Variants in AXIN1 observed in about 807,000 individuals in gnomAD.
AXIN1 encodes the protein axin-1.
AXIN1 carries 30 observed loss-of-function variants against 76.4 expected under a neutral mutation model. That is an observed-to-expected ratio of 0.39 (90% confidence interval 0.29 to 0.53). The LOEUF is 0.53. Among genes scored for constraint, AXIN1 ranks in the 20% least tolerant of loss-of-function variants. The pLI, the probability that AXIN1 is intolerant of heterozygous loss-of-function variation, is 0.66. For synonymous variants in AXIN1, 545 were observed against 501.4 expected (o/e 1.09, Z -1.16); for missense variants, 1,140 against 1,198.8 (o/e 0.95, Z 0.72).
At chr16:319,294 T>A (rs894073968) in intron 2 of AXIN1, among the ~76,000 whole-genome samples, 1 of 152,070 alleles carries the variant, frequency 6.6e-6, no homozygotes, top group Non-Finnish European at 1.5e-5. Flanking sequence ...ATCACGCCAC[T>A]GTGTTCCAGC....
chr16:299,656 A>G (rs1425919329), intron 5 of AXIN1, among the ~76,000 whole-genome samples: 1 of 139,152 alleles, frequency 7.2e-6, no homozygotes, highest in Non-Finnish European at 1.5e-5. Flanking sequence ...CAACCGGCCT[A>G]TTTATTTTCA....
intron 2 of AXIN1, among the ~76,000 whole-genome samples, chr16:332,555 G>GA (rs2053715281): frequency 7.0e-6 from 1 of 143,160 alleles, no homozygotes; most frequent in Non-Finnish European, 1.5e-5. Flanking sequence ...CAGGCTGGGC[G>GA]AAAGAGCGAG....
chr16:339,331 G>A (rs1391138033), intron 2 of AXIN1, among the ~76,000 whole-genome samples: 8 of 148,124 alleles, frequency 5.4e-5, no homozygotes, highest in Admixed American at 2.0e-4. Context: ...GTGAAACCCC[G>A]TCTCTACTAA....
chr16:288,091 C>A lies in AXIN1; in HGVS notation c.*31G>T, dbSNP rs368933170. 17 of 1,612,714 alleles carry A rather than the reference C, an allele frequency of 1.1e-5. No individual in the cohort carries two copies. Among genetic ancestry groups the A allele is most frequent in the African/African-American group, 1.3e-5 (1 of 74,936 alleles). On this transcript the variant is annotated 3_prime_UTR_variant, in exon 11 of 11. Transcript: ENST00000262320. ...TGACACCCGTGCCCGCCAAGGGCCTCGCCTGGCACAGCGGCCAGCCCACCA... is the reference window on the plus strand; with the variant it reads ...TGACACCCGTGCCCGCCAAGGGCCTAGCCTGGCACAGCGGCCAGCCCACCA...
Position 288,188 on chromosome 16 carries a change from T to C in AXIN1, c.2523A>G (p.Arg841=), listed in dbSNP as rs2141459637. 6.2e-7 allele frequency: 1 copy of C among 1,613,724 alleles called. No individual in the cohort carries two copies. Among genetic ancestry groups the C allele is most frequent in the Non-Finnish European group, 8.5e-7 (1 of 1,180,004 alleles). The part of the protein sequence containing the change: ...FDCGVVFEEV[R]EDEAVLPVFE... ...AGACGGGCAGGACGGCCTCGTCCTC[T>C]CGAACCTCCTCAAACACCACCCCAC... Residue 841 remains arginine, a synonymous_variant, in exon 11 of 11, where the codon CGA becomes CGG. Coordinates refer to ENST00000262320, the MANE Select transcript of AXIN1 (RefSeq NM_003502.4).
At chr16:332,582 A>G (rs1328384179) in intron 2 of AXIN1, among the ~76,000 whole-genome samples, 2 of 151,892 alleles carry the variant, frequency 1.3e-5, no homozygotes, top group Non-Finnish European at 2.9e-5. Flanking sequence ...TCTCAAAAAA[A>G]AAAAGAAAAC....
intron 2 of AXIN1, among the ~76,000 whole-genome samples, chr16:335,973 G>A (rs894533803): frequency 1.3e-5 from 2 of 152,196 alleles, no homozygotes; most frequent in African/African-American, 4.8e-5. Flanking sequence ...GGTGGCTCAC[G>A]CCTATAATCC....
Position 346,542 on chromosome 16 carries a change from G to T in AXIN1, c.484C>A (p.Pro162Thr), listed in dbSNP as rs1567308033. 2.5e-6 allele frequency: 4 copies of T among 1,614,024 alleles called. No individual in the cohort carries two copies. The highest frequency in any genetic ancestry group is 2.2e-5 in the East Asian group (1 of 44,890). ...NNGIVSRQTKPATKSFIKGCI... is the reference protein window; with the variant it reads ...NNGIVSRQTKTATKSFIKGCI... ...CCCTTTATGAAGCTCTTGGTGGCTGGCTTGGTCTGCCGGGACACGATGCCA... is the reference window on the plus strand; with the variant it reads ...CCCTTTATGAAGCTCTTGGTGGCTGTCTTGGTCTGCCGGGACACGATGCCA... The change falls in exon 2 of 11, where the codon CCA (proline) becomes ACA (threonine). Residue 162 changes from proline (P) to threonine (T), a missense_variant. Pro to Thr is a conservative substitution (Grantham distance 38). Around this residue, in one of 3 missense-constraint regions of AXIN1, gnomAD observed 708 missense variants for 776.9 expected, o/e 0.91. Coordinates refer to ENST00000262320, the MANE Select transcript of AXIN1 (RefSeq NM_003502.4).
At position 287,451 on chromosome 16, in the gene AXIN1, AAC is replaced by A. The variant is rs1300196798; in HGVS notation, c.*669_*670del. 9.1e-6 allele frequency: 4 copies of A among 440,704 alleles called. No homozygotes were observed. Among genetic ancestry groups the A allele is most frequent in the African/African-American group, 4.0e-5 (2 of 50,376 alleles). 27.3% of individuals were successfully genotyped at this position (440,704 alleles called of 1,614,324 possible). ...ACACCACAGCCAGGGCAGGTTCAAAAACAGTTTTATTTCATTATTATCCAAGT... is the reference window on the plus strand; with the variant it reads ...ACACCACAGCCAGGGCAGGTTCAAAAAGTTTTATTTCATTATTATCCAAGT... On this transcript the variant is annotated 3_prime_UTR_variant, in exon 11 of 11. Coordinates refer to ENST00000262320, the MANE Select transcript of AXIN1 (RefSeq NM_003502.4).
At position 298,117 on chromosome 16, in the gene AXIN1, G is replaced by C. The variant is rs1217389555; in HGVS notation, c.1389C>G (p.His463Gln). The C allele has an allele frequency of 1.9e-6, 3 of 1,546,408 alleles. No individual in the cohort carries two copies. Among genetic ancestry groups the C allele is most frequent in the East Asian group, 4.9e-5 (2 of 41,184 alleles). ...DMGCAGLRDAHEENPESILDE... is the reference protein window; with the variant it reads ...DMGCAGLRDAQEENPESILDE... ...CCAGGATGCTCTCAGGGTTCTCCTCGTGTGCATCCCGGAGCCCGGCACAGC... is the reference window on the plus strand; with the variant it reads ...CCAGGATGCTCTCAGGGTTCTCCTCCTGTGCATCCCGGAGCCCGGCACAGC... The change falls in exon 6 of 11, where the codon CAC becomes CAG. Residue 463 changes from histidine to glutamine, a missense_variant. Coordinates refer to ENST00000262320, the MANE Select transcript of AXIN1 (RefSeq NM_003502.4).
At chr16:289,903 G>A (rs569494804) in intron 9 of AXIN1, 6 of 528,108 alleles carry the variant, frequency 1.1e-5, no homozygotes, top group South Asian at 2.0e-5. Flanking sequence ...CCACCTCTAG[G>A]ATGGCAGGGC....
chr16:305,170 TTTTTAA>T (rs1429553069), intron 4 of AXIN1, among the ~76,000 whole-genome samples: 2 of 152,236 alleles, frequency 1.3e-5, no homozygotes, highest in African/African-American at 4.8e-5. Context: ...CAGGCTTTCC[TTTTTAA>T]AAGAATCTAA....
At chr16:351,000 G>A (rs528908656) in intron 1 of AXIN1, among the ~76,000 whole-genome samples, 4 of 152,226 alleles carry the variant, frequency 2.6e-5, no homozygotes, top group Non-Finnish European at 5.9e-5. Flanking sequence ...GCTTGGTGGC[G>A]CATGCCTATA....
intron 2 of AXIN1, among the ~76,000 whole-genome samples, chr16:340,635 T>G (rs1209050776): frequency 1.3e-5 from 2 of 152,206 alleles, no homozygotes; most frequent in Non-Finnish European, 2.9e-5. Context: ...ACCAGCCAGC[T>G]CTGTTCAAAG....
Position 293,761 on chromosome 16 carries a change from T to A in AXIN1, c.1956-43A>T. The stretch of plus-strand genomic sequence containing the variant: ...CAAGTTGTGACTGTGGCCGACACCC[T>A]GGCCAGGTGGCCTGGTGGGGCTACA... On this transcript the variant is annotated intron_variant, in intron 7 of 10. Transcript: ENST00000262320. The surrounding 1 kb of genome is among the most constrained non-coding windows in gnomAD (Gnocchi z 4.6). 6.4e-7 allele frequency: 1 copy of A among 1,574,152 alleles called. No homozygotes were observed. The highest frequency in any genetic ancestry group is 8.7e-7 in the Non-Finnish European group (1 of 1,147,858).
In AXIN1 at chr16:288,010, T is replaced by TAC. The variant is rs1308595301; in HGVS notation, c.*110_*111dup. The TAC allele has an allele frequency of 6.5e-7, 1 of 1,548,692 alleles. No homozygotes were observed. The highest frequency in any genetic ancestry group is 8.8e-7 in the Non-Finnish European group (1 of 1,132,830). The stretch of plus-strand genomic sequence containing the variant: ...ACGGGTAGACCACAGGGATGGGTGG[T>TAC]ACACCCAACACTGTTCCCCATCGGG... On this transcript the variant is annotated 3_prime_UTR_variant, in exon 11 of 11. Coordinates refer to ENST00000262320, the MANE Select transcript of AXIN1 (RefSeq NM_003502.4).
chr16:322,422 A>G (rs139208276), intron 2 of AXIN1, among the ~76,000 whole-genome samples: 65 of 152,254 alleles, frequency 4.3e-4, no homozygotes, highest in Admixed American at 9.2e-4. Flanking sequence ...ATGGGGACAG[A>G]TGTGCTCCTA....
chr16:345,526 C>T (rs1215405042), intron 2 of AXIN1, among the ~76,000 whole-genome samples: 3 of 152,182 alleles, frequency 2.0e-5, no homozygotes, highest in Non-Finnish European at 4.4e-5. Context: ...ACCAGCCTGG[C>T]CAACATGGAG....
At chr16:318,359 G>A (rs559756190) in intron 2 of AXIN1, among the ~76,000 whole-genome samples, 1 of 152,322 alleles carries the variant, frequency 6.6e-6, no homozygotes, top group East Asian at 1.9e-4. Context: ...ACCAAGGTCA[G>A]GCAGCAAAGG....
Sources: gnomAD v4.1 joint callset for allele counts (sites outside exome capture counted in the v4.1 genomes callset) on GRCh38, gnomAD v4.1.1 for gene constraint, gnomAD v4.1.1 regional missense constraint, Gnocchi (gnomAD v3.1) non-coding constraint, MANE v1.5 for transcripts, NCBI Gene and HGNC (gene_info 2026-07-23, HGNC 2026-07-21) for gene names.